APOO: variants seen among roughly 807,000 people sequenced by gnomAD.
APOO encodes the protein apolipoprotein O, also known as MICOS complex subunit MIC26.
Under a neutral mutation model 23.1 loss-of-function variants are expected in APOO, and 11 were observed. The observed-to-expected ratio is 0.48, with a 90% CI of 0.30 to 0.79. APOO has a LOEUF of 0.79. APOO is among the 30% of genes least tolerant of loss of function. APOO has a pLI of 0.07. For missense variants in APOO, 160 were observed against 142.7 expected (o/e 1.12, Z -0.62); for synonymous variants, 59 against 54.8 (o/e 1.08, Z -0.34).
At chrX:23,903,911 C>T (rs970069972) in intron 1 of APOO, among the ~76,000 whole-genome samples, 3 of 110,943 alleles carry the variant, frequency 2.7e-5, no homozygotes, top group African/African-American at 3.3e-5. Flanking sequence ...CTTGACTGAA[C>T]ATATCCTTCT....
At chrX:23,856,442 A>C in intron 6 of APOO, 60 bp from the exon 7 acceptor site, 1 of 899,978 alleles carries the variant, frequency 1.1e-6, no homozygotes, top group Non-Finnish European at 1.6e-6. Context: ...TATTGGGAAT[A>C]ATAATGGAAT....
At chrX:23,875,144 G>A (rs1400823484) in intron 3 of APOO, among the ~76,000 whole-genome samples, 6 of 108,988 alleles carry the variant, frequency 5.5e-5, no homozygotes, top group Non-Finnish European at 1.1e-4. Flanking sequence ...CAGCTACTCG[G>A]GAGGCTGAGG....
intron 5 of APOO, among the ~76,000 whole-genome samples, chrX:23,866,192 A>T (rs992038115): frequency 4.5e-5 from 5 of 111,849 alleles, no homozygotes; most frequent in Admixed American, 9.6e-5. Context: ...CTATCTCCCT[A>T]ACGATAGCTG....
rs764600182 is a variant in APOO, at chrX:23,907,633, G to A, written c.9+61C>T. ...TGCAGAGAGGCCCCAAGAGAGCGCG[G>A]GGAGGGCTCGGGCGGCCGGGAGGGG... On this transcript the variant is annotated intron_variant, in intron 1 of 8. Transcript: ENST00000379226. The A allele has an allele frequency of 1.1e-5, 12 of 1,124,913 alleles. No individual in the cohort carries two copies. The South Asian group carries it at 2.5e-4, about 23-fold the overall frequency. 92.7% of individuals were successfully genotyped at this position (1,124,913 alleles called of 1,213,427 possible).
intron 5 of APOO, among the ~76,000 whole-genome samples, chrX:23,861,715 C>G (rs866055888): frequency 9.2e-6 from 1 of 108,965 alleles, no homozygotes; most frequent in Middle Eastern, 4.7e-3. Context: ...CTGGGTGCAC[C>G]CTTGTATATG....
intron 1 of APOO, among the ~76,000 whole-genome samples, chrX:23,899,619 T>C (rs1927044363): frequency 8.9e-6 from 1 of 112,319 alleles, no homozygotes; most frequent in African/African-American, 3.2e-5. Flanking sequence ...GAAAATCAAC[T>C]GATACACTCT....
chrX:23,866,445 C>T lies in APOO; in HGVS notation c.388+2148G>A, dbSNP rs375262455. 1.2e-4 allele frequency among the ~76,000 whole-genome samples: 13 copies of T among 111,600 alleles called. No homozygotes were observed. The East Asian group carries it at 2.0e-3, about 17-fold the overall frequency. Reference sequence around the variant, plus strand: ...TCCACAGGTGAGCTGGTAGTGCCACCAGGGCAGTGTCTACCCTCCAGATTC... The same window carrying T: ...TCCACAGGTGAGCTGGTAGTGCCACTAGGGCAGTGTCTACCCTCCAGATTC... On this transcript the variant is annotated intron_variant, in intron 5 of 8. Coordinates refer to ENST00000379226, the MANE Select transcript of APOO (RefSeq NM_024122.5).
intron 8 of APOO, among the ~76,000 whole-genome samples, chrX:23,834,786 G>A (rs759200187): frequency 1.9e-5 from 2 of 107,566 alleles, no homozygotes; most frequent in South Asian, 4.1e-4. Context: ...GTGCAGTGGC[G>A]TGATCTCGGC....
intron 7 of APOO, among the ~76,000 whole-genome samples, chrX:23,853,514 T>C (rs1924639403): frequency 9.0e-6 from 1 of 110,983 alleles, no homozygotes; most frequent in African/African-American, 3.3e-5. Flanking sequence ...TTCACCGTGT[T>C]AGCTAGGATG....
intron 1 of APOO, chrX:23,883,583 T>C (rs1485418288): frequency 8.9e-6 from 1 of 111,757 alleles, no homozygotes; most frequent in Non-Finnish European, 1.9e-5. Flanking sequence ...CAAGCCCACG[T>C]GTGATCCGGT....
intron 6 of APOO, among the ~76,000 whole-genome samples, chrX:23,858,160 C>A (rs1924859685): frequency 9.1e-6 from 1 of 110,276 alleles, no homozygotes; most frequent in Non-Finnish European, 1.9e-5. Context: ...AACTGAAAGC[C>A]CCGAAAAGGG....
chrX:23,858,867 G>A, intron 5 of APOO, 134 bp from the exon 6 acceptor site: 3 of 496,850 alleles, frequency 6.0e-6, no homozygotes, highest in East Asian at 4.0e-5. Context: ...CTGGGAGGCC[G>A]AGGCGGGAGG....
intron 1 of APOO, among the ~76,000 whole-genome samples, chrX:23,905,704 A>G (rs1411479774): frequency 8.9e-6 from 1 of 112,281 alleles, no homozygotes; most frequent in Non-Finnish European, 1.9e-5. Context: ...TCCCAACTAT[A>G]TTGAAATAAT....
intron 7 of APOO, among the ~76,000 whole-genome samples, chrX:23,842,923 G>A (rs997524966): frequency 7.2e-5 from 8 of 111,784 alleles, no homozygotes; most frequent in African/African-American, 2.0e-4. Context: ...CAGGAGAATC[G>A]CTTGAACCCA....
intron 6 of APOO, among the ~76,000 whole-genome samples, chrX:23,857,776 G>C (rs1924842761): frequency 9.0e-6 from 1 of 111,356 alleles, no homozygotes; most frequent in Non-Finnish European, 1.9e-5. Context: ...CCTAGAGCCT[G>C]TCTTGTTCTT....
intron 8 of APOO, among the ~76,000 whole-genome samples, chrX:23,834,844 C>A (rs767216394): frequency 1.9e-5 from 2 of 107,836 alleles, no homozygotes; most frequent in African/African-American, 6.8e-5. Flanking sequence ...GCCTCAGCCT[C>A]CCAAGTAGCT....
At chrX:23,861,334 C>T (rs1036240624) in intron 5 of APOO, among the ~76,000 whole-genome samples, 6 of 109,505 alleles carry the variant, frequency 5.5e-5, no homozygotes, top group South Asian at 3.9e-4. Flanking sequence ...TTCTCTTGCT[C>T]GCACTCTTGC....
rs758550771 is a variant in APOO, at chrX:23,856,394, A to G, written c.481-12T>C. 1.0e-5 allele frequency: 12 copies of G among 1,163,149 alleles called. No homozygotes were observed. Among genetic ancestry groups the G allele is most frequent in the Middle Eastern group, 2.4e-4 (1 of 4,240 alleles). On this transcript the variant is annotated splice_polypyrimidine_tract_variant and intron_variant, in intron 6 of 8. Transcript: ENST00000379226. ...CTCTCCCCACTGACCTTAAAACAAA[A>G]TAGAAAAGATCTTACCATCTGACCC... is the stretch of plus-strand genomic sequence containing the variant.
chrX:23,887,187 C>A (rs1426136980), intron 1 of APOO, among the ~76,000 whole-genome samples: 4 of 107,348 alleles, frequency 3.7e-5, no homozygotes, highest in Non-Finnish European at 7.7e-5. Flanking sequence ...ACTGAATATA[C>A]CTCCCAAGAA....
Sources: gnomAD v4.1 joint callset for allele counts (sites outside exome capture counted in the v4.1 genomes callset) on GRCh38, gnomAD v4.1.1 for gene constraint, MANE v1.5 for transcripts, NCBI Gene and HGNC (gene_info 2026-07-23, HGNC 2026-07-21) for gene names.